The following ZCCHC7 variants were observed in gnomAD, a reference collection of about 807,000 sequenced individuals.
The protein encoded by ZCCHC7 is zinc finger CCHC-type containing 7, also known as zinc finger CCHC domain-containing protein 7.
Under a neutral mutation model 52.0 loss-of-function variants are expected in ZCCHC7, and 35 were observed. The ratio of observed to expected loss-of-function variants is 0.67; its 90% CI spans 0.51 to 0.89. The LOEUF (loss-of-function observed/expected upper bound fraction) is 0.89. Among genes scored for constraint, ZCCHC7 ranks in the 40% least tolerant of loss-of-function variants. The pLI, the probability that ZCCHC7 is intolerant of heterozygous loss-of-function variation, is 0.00. For missense variants in ZCCHC7, 574 were observed against 649.1 expected, an observed-to-expected ratio of 0.88 and a Z score of 1.26; for synonymous variants, 217 against 221.5, an observed-to-expected ratio of 0.98 and a Z score of 0.18.
At chr9:37,231,890 T>C (rs1240163089) in intron 2 of ZCCHC7, among the ~76,000 whole-genome samples, 2 of 152,200 alleles carry the variant, frequency 1.3e-5, no homozygotes, top group Non-Finnish European at 2.9e-5. Flanking sequence ...TTTGGGTCTT[T>C]TATCAAACAG....
At chr9:37,126,049 G>A (rs1451986232) in intron 1 of ZCCHC7, among the ~76,000 whole-genome samples, 38 of 152,124 alleles carry the variant, frequency 2.5e-4, no homozygotes, top group Admixed American at 2.5e-3. Context: ...ACAGAACAAA[G>A]CATTTCTTAG....
intron 2 of ZCCHC7, among the ~76,000 whole-genome samples, chr9:37,142,414 C>T (rs899806283): frequency 3.3e-5 from 5 of 151,442 alleles, no homozygotes; most frequent in African/African-American, 1.2e-4. Flanking sequence ...CAGGTTTTTT[C>T]TTGTGGATGT....
chr9:37,167,811 C>T (rs996579816), intron 2 of ZCCHC7, among the ~76,000 whole-genome samples: 3 of 152,200 alleles, frequency 2.0e-5, no homozygotes, highest in African/African-American at 7.2e-5. Flanking sequence ...CTCTATGCAA[C>T]ATCATGTAAA....
At chr9:37,177,516 C>T (rs1178490091) in intron 2 of ZCCHC7, among the ~76,000 whole-genome samples, 3 of 151,972 alleles carry the variant, frequency 2.0e-5, no homozygotes, top group African/African-American at 7.3e-5. Flanking sequence ...CTACAGAGAG[C>T]AGCTGTGAAA....
chr9:37,287,946 A>C (rs1828333520), intron 2 of ZCCHC7, among the ~76,000 whole-genome samples: 1 of 152,102 alleles, frequency 6.6e-6, no homozygotes, highest in Admixed American at 6.5e-5. Flanking sequence ...TAAAAAAAAA[A>C]AACATTTAAC....
At chr9:37,243,161 A>G (rs1825946578) in intron 2 of ZCCHC7, among the ~76,000 whole-genome samples, 1 of 151,890 alleles carries the variant, frequency 6.6e-6, no homozygotes, top group Non-Finnish European at 1.5e-5. Context: ...AGCAAAGTTT[A>G]TGACATCCAA....
intron 2 of ZCCHC7, among the ~76,000 whole-genome samples, chr9:37,222,058 T>A (rs1588504917): frequency 6.6e-6 from 1 of 152,144 alleles, no homozygotes; most frequent in East Asian, 1.9e-4. Context: ...GGAGAGTTGA[T>A]CAGATGGAAG....
chr9:37,121,955 T>C (rs1456603663), intron 1 of ZCCHC7, among the ~76,000 whole-genome samples: 1 of 152,228 alleles, frequency 6.6e-6, no homozygotes, highest in Non-Finnish European at 1.5e-5. Flanking sequence ...TAGACAATTG[T>C]GTTTCAACTG....
At chr9:37,205,158 A>G in intron 2 of ZCCHC7, 1 of 324,352 alleles carries the variant, frequency 3.1e-6, no homozygotes, top group South Asian at 3.2e-5. Context: ...TCTCTTGGCA[A>G]GAATCTTGCC....
At chr9:37,127,688 CTG>C (rs746743200) in intron 2 of ZCCHC7, among the ~76,000 whole-genome samples, 1 of 152,212 alleles carries the variant, frequency 6.6e-6, no homozygotes, top group Admixed American at 6.5e-5. Context: ...ACCCTGTACA[CTG>C]TTGTTAAAAC....
At chr9:37,299,852 G>C (rs1301947048) in intron 2 of ZCCHC7, among the ~76,000 whole-genome samples, 3 of 152,176 alleles carry the variant, frequency 2.0e-5, no homozygotes, top group Non-Finnish European at 4.4e-5. Flanking sequence ...GGAGTTGTTA[G>C]TACAGTTGAC....
intron 6 of ZCCHC7, among the ~76,000 whole-genome samples, chr9:37,345,738 CTT>C (rs1820922859): frequency 2.0e-5 from 3 of 150,658 alleles, no homozygotes; most frequent in Non-Finnish European, 4.4e-5. Flanking sequence ...AAAAAAAACT[CTT>C]GTTTAATGAC....
intron 8 of ZCCHC7, among the ~76,000 whole-genome samples, chr9:37,356,061 T>G (rs1170511373): frequency 6.6e-6 from 1 of 152,236 alleles, no homozygotes; most frequent in African/African-American, 2.4e-5. Flanking sequence ...TCGACGTCTG[T>G]AGCATAAATC....
intron 2 of ZCCHC7, among the ~76,000 whole-genome samples, chr9:37,216,740 G>A (rs962289698): frequency 2.0e-5 from 3 of 152,028 alleles, no homozygotes; most frequent in African/African-American, 7.2e-5. Flanking sequence ...ATTGCCCATG[G>A]CATAATGTTG....
chr9:37,327,403 A>T (rs1830290485), intron 5 of ZCCHC7: 1 of 168,340 alleles, frequency 5.9e-6, no homozygotes, highest in African/African-American at 2.4e-5. Context: ...AGCAGTTACT[A>T]TTAAATTGTT....
At chr9:37,147,605 A>C (rs1843491526) in intron 2 of ZCCHC7, among the ~76,000 whole-genome samples, 1 of 151,930 alleles carries the variant, frequency 6.6e-6, no homozygotes, top group African/African-American at 2.4e-5. Context: ...TCAGAGCTTT[A>C]ACATTTTGGG....
At chr9:37,233,905 G>A (rs1825521367) in intron 2 of ZCCHC7, among the ~76,000 whole-genome samples, 1 of 152,232 alleles carries the variant, frequency 6.6e-6, no homozygotes, top group African/African-American at 2.4e-5. Context: ...CCAGGCTGGA[G>A]TGCAGTGGCA....
intron 2 of ZCCHC7, among the ~76,000 whole-genome samples, chr9:37,206,410 T>C (rs1293023380): frequency 6.6e-6 from 1 of 151,482 alleles, no homozygotes; most frequent in Non-Finnish European, 1.5e-5. Flanking sequence ...CAGGCTGGAG[T>C]GTGGTGGCGC....
At chr9:37,229,548 T>A (rs971061687) in intron 2 of ZCCHC7, among the ~76,000 whole-genome samples, 14 of 152,144 alleles carry the variant, frequency 9.2e-5, no homozygotes, top group African/African-American at 3.4e-4. Flanking sequence ...TATTTGTGTA[T>A]CTAAACATAG....
Sources: gnomAD v4.1 joint callset for allele counts (sites outside exome capture counted in the v4.1 genomes callset) on GRCh38, gnomAD v4.1.1 for gene constraint, MANE v1.5 for transcripts, NCBI Gene and HGNC (gene_info 2026-07-23, HGNC 2026-07-21) for gene names.